The following VPS13B variants were observed in gnomAD, a reference collection of about 807,000 sequenced individuals.
The protein encoded by VPS13B is vacuolar protein sorting 13 homolog B, also known as intermembrane lipid transfer protein VPS13B.
VPS13B carries 285 observed loss-of-function variants against 426.4 expected under a neutral mutation model. The ratio of observed to expected loss-of-function variants is 0.67; its 90% CI spans 0.61 to 0.74. The LOEUF is 0.74. Among genes scored for constraint, VPS13B ranks in the 30% least tolerant of loss-of-function variants. The pLI is 0.00. For synonymous variants in VPS13B, 1,676 were observed against 1,676.4 expected, an observed-to-expected ratio of 1.00 and a Z score of 0.01; for missense variants, 4,537 against 4,782.6, an observed-to-expected ratio of 0.95 and a Z score of 1.51.
intron 2 of VPS13B, among the ~76,000 whole-genome samples, chr8:99,021,699 A>G (rs1266398016): frequency 6.6e-6 from 1 of 151,722 alleles, no homozygotes; most frequent in Non-Finnish European, 1.5e-5. Flanking sequence ...ATCATAGCTC[A>G]CTGCAGTCTT....
intron 35 of VPS13B, among the ~76,000 whole-genome samples, chr8:99,681,897 A>T (rs1169273124): frequency 6.6e-6 from 1 of 152,330 alleles, no homozygotes; most frequent in Non-Finnish European, 1.5e-5. Flanking sequence ...CCAAGTGTCC[A>T]AATAAGTAAC....
chr8:99,165,894 A>G (rs4735603), intron 15 of VPS13B, among the ~76,000 whole-genome samples: 26,476 of 152,224 alleles, frequency 0.17, 2,824 homozygotes, highest in East Asian at 0.38. Flanking sequence ...AAGAGAGAGA[A>G]CAAATTTTAC....
intron 3 of VPS13B, among the ~76,000 whole-genome samples, chr8:99,054,046 T>C (rs1380094355): frequency 1.3e-5 from 2 of 152,178 alleles, no homozygotes; most frequent in Admixed American, 1.3e-4. Flanking sequence ...TTTTTTTGTG[T>C]GTATTTACCC....
intron 17 of VPS13B, among the ~76,000 whole-genome samples, chr8:99,231,727 C>CA (rs1371743693): frequency 1.3e-5 from 2 of 151,920 alleles, no homozygotes; most frequent in African/African-American, 4.8e-5. Context: ...GGTGCTGAGG[C>CA]AAAAAACACC....
chr8:99,126,066 T>G (rs1313989041), intron 8 of VPS13B, among the ~76,000 whole-genome samples: 2 of 152,066 alleles, frequency 1.3e-5, no homozygotes, highest in Non-Finnish European at 2.9e-5. Context: ...TAAGAGGGCT[T>G]GGCACCTCTT....
chr8:99,421,725 T>C (rs1456419095), intron 21 of VPS13B, among the ~76,000 whole-genome samples: 1 of 152,132 alleles, frequency 6.6e-6, no homozygotes, highest in African/African-American at 2.4e-5. Context: ...TCACCCAGGC[T>C]GGAGTGCCGT....
At chr8:99,055,755 G>C (rs574022262) in intron 3 of VPS13B, among the ~76,000 whole-genome samples, 17 of 151,994 alleles carry the variant, frequency 1.1e-4, no homozygotes, top group African/African-American at 4.1e-4. Flanking sequence ...TTTGAGATGA[G>C]GTCTTACTTT....
intron 36 of VPS13B, among the ~76,000 whole-genome samples, chr8:99,709,261 C>T (rs1472294144): frequency 6.6e-6 from 1 of 152,172 alleles, no homozygotes. Context: ...ATTGACTACT[C>T]TTTCTAATGA....
rs201391675 is a variant in VPS13B, at chr8:99,612,474, T to C, written c.5221-29337T>C. On this transcript the variant is annotated intron_variant, in intron 33 of 61. Coordinates refer to ENST00000357162, the MANE Select transcript of VPS13B (RefSeq NM_152564.5). The stretch of plus-strand genomic sequence containing the variant: ...AATACTAAATATTCTGCTGACTTCC[T>C]GCCTTCTATTTTAAGCCAGTCTAAT... Among the ~76,000 whole-genome samples, 8 of 152,306 alleles carry C rather than the reference T, an allele frequency of 5.3e-5. No individual in the cohort carries two copies. The East Asian group carries it at 1.3e-3, about 26-fold the overall frequency.
At chr8:99,546,981 A>C (rs1824015626) in intron 30 of VPS13B, among the ~76,000 whole-genome samples, 1 of 152,076 alleles carries the variant, frequency 6.6e-6, no homozygotes, top group Non-Finnish European at 1.5e-5. Context: ...GTAGAACTTG[A>C]CTTTTAAAAA....
chr8:99,351,498 A>G (rs1451714131), intron 19 of VPS13B, among the ~76,000 whole-genome samples: 2 of 150,034 alleles, frequency 1.3e-5, no homozygotes, highest in Non-Finnish European at 3.0e-5. Flanking sequence ...ATTTCTTGGT[A>G]TCTTCGAATG....
At chr8:99,144,488 C>CA (rs34556724) in intron 13 of VPS13B, among the ~76,000 whole-genome samples, 11,260 of 91,900 alleles carry the variant, frequency 0.12, 545 homozygotes, top group South Asian at 0.16. Context: ...GACCCTGTTT[C>CA]AAAAAAAAAA....
intron 39 of VPS13B, among the ~76,000 whole-genome samples, chr8:99,744,894 A>G (rs970111454): frequency 2.2e-4 from 34 of 152,252 alleles, no homozygotes; most frequent in East Asian, 9.6e-4. Flanking sequence ...TGGGTGCAGC[A>G]CACCAACATG....
intron 19 of VPS13B, among the ~76,000 whole-genome samples, chr8:99,339,628 T>G (rs1563676541): frequency 6.6e-6 from 1 of 152,018 alleles, no homozygotes; most frequent in African/African-American, 2.4e-5. Flanking sequence ...TTTTCCAGTT[T>G]TTTTCAAACA....
At chr8:99,575,895 T>A in intron 32 of VPS13B, 111 bp downstream of exon 32, 2 of 1,034,554 alleles carry the variant, frequency 1.9e-6, no homozygotes, top group Non-Finnish European at 2.9e-6. Context: ...AGCTCATTAA[T>A]AATAATGGCT....
intron 35 of VPS13B, chr8:99,696,997 G>A: frequency 1.6e-6 from 1 of 606,520 alleles, no homozygotes; most frequent in Non-Finnish European, 3.1e-6. Context: ...TGTGGGAAGT[G>A]AGGTATGTGG....
chr8:99,353,643 G>A (rs1588284176), intron 19 of VPS13B, among the ~76,000 whole-genome samples: 1 of 148,898 alleles, frequency 6.7e-6, no homozygotes, highest in African/African-American at 2.5e-5. Context: ...GCACTTGTTT[G>A]CTTATGTTAT....
intron 58 of VPS13B, among the ~76,000 whole-genome samples, chr8:99,864,181 T>C (rs1200961867): frequency 6.6e-6 from 1 of 152,194 alleles, no homozygotes; most frequent in Non-Finnish European, 1.5e-5. Context: ...ATTTAATTCT[T>C]CCCCAGAAAT....
intron 17 of VPS13B, chr8:99,233,976 G>A (rs1157436723): frequency 2.6e-6 from 2 of 781,508 alleles, no homozygotes; most frequent in East Asian, 4.9e-5. Context: ...ACCCGGGACT[G>A]GGTCTGCTCA....
Sources: allele counts gnomAD v4.1 joint callset (sites outside exome capture counted in the v4.1 genomes callset), GRCh38; gene constraint gnomAD v4.1.1; transcripts MANE v1.5; gene names NCBI Gene and HGNC (gene_info 2026-07-23, HGNC 2026-07-21).